The following RBFOX1 variants were observed in gnomAD, a reference collection of about 807,000 sequenced individuals.
The protein encoded by RBFOX1 is RNA binding fox-1 homolog 1, also known as RNA binding protein fox-1 homolog 1.
RBFOX1 carries 8 observed loss-of-function variants against 57.7 expected under a neutral mutation model. That is an observed-to-expected ratio of 0.14 (90% CI 0.08 to 0.25). RBFOX1 has a LOEUF of 0.25. RBFOX1 is among the 10% of genes least tolerant of loss of function. RBFOX1 has a pLI of 1.00. For synonymous variants in RBFOX1, 326 were observed against 222.4 expected (o/e 1.47, Z -4.15); for missense variants, 611 against 548.5 (o/e 1.11, Z -1.14).
At chr16:6,612,981 G>A (rs1200544491) in intron 2 of RBFOX1, among the ~76,000 whole-genome samples, 1 of 151,420 alleles carries the variant, frequency 6.6e-6, no homozygotes, top group African/African-American at 2.4e-5. Context: ...CCAAGTGAGA[G>A]AAGGCAGGTG....
chr16:6,214,922 G>A (rs1357768091), intron 1 of RBFOX1, among the ~76,000 whole-genome samples: 3 of 133,448 alleles, frequency 2.2e-5, no homozygotes, highest in Non-Finnish European at 3.3e-5. Context: ...GAGGGGGAGA[G>A]GGAGAGGGAG....
chr16:5,374,987 G>A (rs1006439479), intron 1 of RBFOX1, among the ~76,000 whole-genome samples: 1 of 146,284 alleles, frequency 6.8e-6, no homozygotes, highest in African/African-American at 2.5e-5. Context: ...TGAAAGGGAA[G>A]AGAGACTGGT....
chr16:7,011,890 A>G (rs1377478721), intron 3 of RBFOX1, among the ~76,000 whole-genome samples: 2 of 152,168 alleles, frequency 1.3e-5, no homozygotes, highest in African/African-American at 4.8e-5. Flanking sequence ...TGTTAGCTCA[A>G]GTGGTATTGC....
intron 3 of RBFOX1, among the ~76,000 whole-genome samples, chr16:6,885,207 A>G (rs1020107281): frequency 6.6e-6 from 1 of 152,166 alleles, no homozygotes; most frequent in African/African-American, 2.4e-5. Context: ...ATCACTTCAG[A>G]AAACTAGAAC....
intron 2 of RBFOX1, among the ~76,000 whole-genome samples, chr16:6,537,371 T>C (rs141306954): frequency 3.0e-4 from 46 of 152,316 alleles, no homozygotes; most frequent in African/African-American, 1.1e-3. Flanking sequence ...CTTACAATTA[T>C]GGATGAATTG....
intron 1 of RBFOX1, among the ~76,000 whole-genome samples, chr16:6,173,863 G>T (rs902731857): frequency 6.6e-6 from 1 of 151,908 alleles, no homozygotes; most frequent in African/African-American, 2.4e-5. Flanking sequence ...GCCTGCCTTG[G>T]CCTCCCAAAG....
rs192893934 is a variant in RBFOX1 at position 7,225,400 on chromosome 16, C to T, written c.27+173302C>T. 3.3e-3 allele frequency among the ~76,000 whole-genome samples: 496 copies of T among 152,150 alleles called. 2 individuals are homozygous for T. The highest frequency in any genetic ancestry group is 0.011 in the African/African-American group (457 of 41,508). On this transcript the variant is annotated intron_variant, in intron 4 of 15. Coordinates refer to ENST00000550418, the MANE Select transcript of RBFOX1 (RefSeq NM_018723.4). ...TGGTTTTGTAAGGGGTTTCCCTCTA[C>T]GGTTGGTTCTCATTCTCTCTTGTCT... is the stretch of plus-strand genomic sequence containing the variant.
At chr16:6,544,026 A>T (rs2096860401) in intron 2 of RBFOX1, among the ~76,000 whole-genome samples, 1 of 152,204 alleles carries the variant, frequency 6.6e-6, no homozygotes, top group African/African-American at 2.4e-5. Flanking sequence ...TTTGCCAAAT[A>T]TTAGCAAGTA....
intron 3 of RBFOX1, among the ~76,000 whole-genome samples, chr16:6,755,701 G>A (rs1027339805): frequency 1.1e-4 from 17 of 152,052 alleles, no homozygotes; most frequent in Non-Finnish European, 2.1e-4. Context: ...TAGAGAATTC[G>A]TTTCTTGGAG....
chr16:7,602,670 G>C (rs1036588526), intron 9 of RBFOX1, among the ~76,000 whole-genome samples: 6 of 152,116 alleles, frequency 3.9e-5, no homozygotes, highest in African/African-American at 1.4e-4. Context: ...ATTTACATAA[G>C]CCCGCATGAG....
intron 3 of RBFOX1, among the ~76,000 whole-genome samples, chr16:6,866,344 A>C (rs1255220583): frequency 2.6e-5 from 4 of 152,000 alleles, no homozygotes; most frequent in Non-Finnish European, 4.4e-5. Context: ...ATCACTTCTT[A>C]CAGTGTAATA....
At chr16:6,977,318 G>T (rs1214504074) in intron 3 of RBFOX1, among the ~76,000 whole-genome samples, 1 of 151,878 alleles carries the variant, frequency 6.6e-6, no homozygotes, top group Non-Finnish European at 1.5e-5. Flanking sequence ...TGTTTTGCAA[G>T]AATTGATATT....
At chr16:5,930,746 G>A (rs1432794074) in intron 4 of RBFOX1, among the ~76,000 whole-genome samples, 2 of 111,074 alleles carry the variant, frequency 1.8e-5, no homozygotes, top group African/African-American at 7.0e-5. Flanking sequence ...AGGTGGGAGG[G>A]TGGATGGATG....
intron 1 of RBFOX1, among the ~76,000 whole-genome samples, chr16:6,281,777 A>G (rs964477754): frequency 2.0e-5 from 3 of 152,178 alleles, no homozygotes; most frequent in African/African-American, 7.2e-5. Context: ...CATTTTTCAC[A>G]GACTCCTCTT....
chr16:6,964,061 C>T (rs1332254559), intron 3 of RBFOX1, among the ~76,000 whole-genome samples: 1 of 151,980 alleles, frequency 6.6e-6, no homozygotes, highest in Non-Finnish European at 1.5e-5. Context: ...CTCTGTCACC[C>T]AGGCTGGAGT....
intron 5 of RBFOX1, among the ~76,000 whole-genome samples, chr16:7,562,754 C>T (rs1006356711): frequency 1.3e-5 from 2 of 152,172 alleles, no homozygotes; most frequent in African/African-American, 4.8e-5. Context: ...GAGGAAGGTC[C>T]CAGAGGTTGC....
intron 1 of RBFOX1, among the ~76,000 whole-genome samples, chr16:6,304,956 A>G (rs1194189114): frequency 6.6e-6 from 1 of 151,662 alleles, no homozygotes; most frequent in Admixed American, 6.6e-5. Context: ...TCTCTCTCCA[A>G]TGACAACAAT....
At chr16:5,967,952 G>T (rs2152295410) in intron 4 of RBFOX1, among the ~76,000 whole-genome samples, 1 of 152,244 alleles carries the variant, frequency 6.6e-6, no homozygotes, top group Non-Finnish European at 1.5e-5. Flanking sequence ...TCCATTGTCA[G>T]ATCATATATA....
chr16:5,872,512 C>T (rs1270449595), intron 4 of RBFOX1, among the ~76,000 whole-genome samples: 2 of 152,034 alleles, frequency 1.3e-5, no homozygotes, highest in African/African-American at 4.8e-5. Flanking sequence ...AGGAAGATCA[C>T]TTGAGCCCAG....
Sources: gnomAD v4.1 joint callset for allele counts (sites outside exome capture counted in the v4.1 genomes callset) on GRCh38, gnomAD v4.1.1 for gene constraint, MANE v1.5 for transcripts, NCBI Gene and HGNC (gene_info 2026-07-23, HGNC 2026-07-21) for gene names.